The following TECPR2 variants were observed in gnomAD, a reference collection of about 807,000 sequenced individuals.
The protein encoded by TECPR2 is tectonin beta-propeller repeat-containing protein 2.
A neutral mutation model predicts 138.1 loss-of-function variants in TECPR2; 65 were observed. The ratio of observed to expected loss-of-function variants is 0.47; its 90% CI spans 0.39 to 0.58. The LOEUF is 0.58. Ranked by LOEUF, TECPR2 falls within the 20% of genes least tolerant of loss-of-function variation. The pLI, the probability that TECPR2 is intolerant of heterozygous loss-of-function variation, is 0.00. For synonymous variants in TECPR2, 746 were observed against 749.8 expected (o/e 0.99, Z 0.08); for missense variants, 1,553 against 1,824.5 (o/e 0.85, Z 2.71).
At chr14:102,488,830 G>A (rs1891096560) in intron 17 of TECPR2, among the ~76,000 whole-genome samples, 1 of 151,480 alleles carries the variant, frequency 6.6e-6, no homozygotes, top group South Asian at 2.1e-4. Flanking sequence ...GTTAGTGACA[G>A]TACATTTGCA....
At chr14:102,390,510 G>C (rs1310403635) in intron 2 of TECPR2, among the ~76,000 whole-genome samples, 1 of 152,028 alleles carries the variant, frequency 6.6e-6, no homozygotes, top group African/African-American at 2.4e-5. Context: ...ATTGTCCCTA[G>C]ATCAAAAAAA....
intron 2 of TECPR2, among the ~76,000 whole-genome samples, chr14:102,379,236 A>G (rs987473319): frequency 1.4e-5 from 2 of 146,330 alleles, no homozygotes; most frequent in South Asian, 2.3e-4. Context: ...TCACACTGCT[A>G]AACATCACAA....
chr14:102,393,149 G>C (rs903630537), intron 2 of TECPR2, among the ~76,000 whole-genome samples: 4 of 152,128 alleles, frequency 2.6e-5, no homozygotes, highest in Non-Finnish European at 5.9e-5. Flanking sequence ...TAGCTTCAGG[G>C]CTAGCTTCTG....
At chr14:102,437,933 T>G in intron 9 of TECPR2, 89 bp from the exon 10 acceptor site, 14 of 1,449,412 alleles carry the variant, frequency 9.7e-6, no homozygotes, top group South Asian at 1.3e-5. Context: ...CTCGTGTTAA[T>G]GATATCCTCT....
At chr14:102,411,229 C>T (rs1156418991) in intron 4 of TECPR2, among the ~76,000 whole-genome samples, 6 of 152,270 alleles carry the variant, frequency 3.9e-5, no homozygotes, top group East Asian at 1.9e-4. Flanking sequence ...AAATTTTTGC[C>T]GCCCCAACAT....
chr14:102,400,619 TATACACA>T (rs1888452077), intron 2 of TECPR2, among the ~76,000 whole-genome samples: 2 of 152,104 alleles, frequency 1.3e-5, no homozygotes, highest in African/African-American at 2.4e-5. Flanking sequence ...CACTGTAGAA[TATACACA>T]AAAGGACATG....
chr14:102,431,412 G>T (rs1271944855), intron 7 of TECPR2, among the ~76,000 whole-genome samples: 1 of 138,326 alleles, frequency 7.2e-6, no homozygotes, highest in East Asian at 2.1e-4. Flanking sequence ...GCGCAATCTC[G>T]GCTCACTGCA....
chr14:102,390,910 GTA>G (rs1216994072), intron 2 of TECPR2, among the ~76,000 whole-genome samples: 2 of 151,922 alleles, frequency 1.3e-5, no homozygotes, highest in African/African-American at 2.4e-5. Context: ...TCAATTTCTT[GTA>G]TATTATATGA....
chr14:102,487,902 C>CG (rs1217943712), intron 17 of TECPR2, among the ~76,000 whole-genome samples: 1 of 144,980 alleles, frequency 6.9e-6, no homozygotes, highest in Non-Finnish European at 1.5e-5. Flanking sequence ...AGTGCAATGG[C>CG]GCGATCTCGG....
chr14:102,386,211 A>G (rs1887997495), intron 2 of TECPR2, among the ~76,000 whole-genome samples: 1 of 151,516 alleles, frequency 6.6e-6, no homozygotes, highest in African/African-American at 2.4e-5. Context: ...GCTCACGCCT[A>G]TAATCCCAGC....
intron 2 of TECPR2, among the ~76,000 whole-genome samples, chr14:102,398,302 C>T (rs890667959): frequency 2.0e-5 from 3 of 151,956 alleles, no homozygotes; most frequent in Admixed American, 1.3e-4. Context: ...TTAAAATTAT[C>T]AAGTCTGACA....
At chr14:102,436,892 A>T in intron 9 of TECPR2, 1 of 727,656 alleles carries the variant, frequency 1.4e-6, no homozygotes, top group Non-Finnish European at 1.7e-6. Flanking sequence ...TCTGGGCGTT[A>T]GCCAGGCAGA....
At chr14:102,479,174 C>T (rs763470767) in intron 17 of TECPR2, among the ~76,000 whole-genome samples, 1 of 152,210 alleles carries the variant, frequency 6.6e-6, no homozygotes, top group Non-Finnish European at 1.5e-5. Context: ...ACCTGGTTTC[C>T]GAGGATGGGT....
chr14:102,483,634 G>GTT (rs968738345), intron 17 of TECPR2, among the ~76,000 whole-genome samples: 2 of 151,626 alleles, frequency 1.3e-5, no homozygotes, highest in African/African-American at 4.9e-5. Flanking sequence ...TGTAGAGATG[G>GTT]AGTCTCACTA....
At chr14:102,453,820 CAAAAAAAAA>C (rs559709458) in intron 16 of TECPR2, among the ~76,000 whole-genome samples, 3 of 56,510 alleles carry the variant, frequency 5.3e-5, no homozygotes, top group African/African-American at 1.3e-4. Context: ...ATGTACTCAC[CAAAAAAAAA>C]AAAAAAAAAA....
chr14:102,481,141 T>C (rs2139786521), intron 17 of TECPR2, among the ~76,000 whole-genome samples: 1 of 151,924 alleles, frequency 6.6e-6, no homozygotes, highest in East Asian at 1.9e-4. Flanking sequence ...GCCTCTTGAG[T>C]AGCTGGGGCT....
At chr14:102,465,513 G>T in intron 17 of TECPR2, 1 of 1,248,098 alleles carries the variant, frequency 8.0e-7, no homozygotes, top group Non-Finnish European at 1.0e-6. Flanking sequence ...GAGTCAACAC[G>T]TATATTTTCT....
chr14:102,425,155 C>A lies in TECPR2; in HGVS notation c.815C>A (p.Pro272Gln). 6.2e-7 allele frequency: 1 copy of A among 1,614,130 alleles called. No individual in the cohort carries two copies. Among genetic ancestry groups the A allele is most frequent in the Non-Finnish European group, 8.5e-7 (1 of 1,180,026 alleles). ...GGAGTCAAGCCTTTTGAACTGCACCCGCGTCTGGAATCCCCCAACAGTGGA... is the reference window on the plus strand; with the variant it reads ...GGAGTCAAGCCTTTTGAACTGCACCAGCGTCTGGAATCCCCCAACAGTGGA... ...AGGVKPFELH[P>Q]RLESPNSGSC... The change falls in exon 6 of 20, where the codon CCG becomes CAG. Residue 272 changes from proline to glutamine, a missense_variant. Transcript: ENST00000359520.
chr14:102,377,789 A>G (rs547434066), intron 2 of TECPR2, among the ~76,000 whole-genome samples: 3 of 152,354 alleles, frequency 2.0e-5, no homozygotes, highest in African/African-American at 7.2e-5. Flanking sequence ...TTTTTTTCCT[A>G]AGTGTTTACA....
Sources: allele counts gnomAD v4.1 joint callset (sites outside exome capture counted in the v4.1 genomes callset), GRCh38; gene constraint gnomAD v4.1.1; transcripts MANE v1.5; gene names NCBI Gene and HGNC (gene_info 2026-07-23, HGNC 2026-07-21).